The following GOLGA8B variants were observed in gnomAD, a reference collection of about 807,000 sequenced individuals.
The protein encoded by GOLGA8B is golgin subfamily A member 8B.
GOLGA8B carries 1 observed loss-of-function variant against 15.6 expected under a neutral mutation model. That is an observed-to-expected ratio of 0.06 (90% CI 0.02 to 0.30). The LOEUF (loss-of-function observed/expected upper bound fraction) is 0.30, where lower values mean the gene tolerates loss of function less well. GOLGA8B is among the 10% of genes least tolerant of loss of function. The pLI, the probability that GOLGA8B is intolerant of heterozygous loss-of-function variation, is 1.00. For synonymous variants in GOLGA8B, 9 were observed against 80.3 expected (o/e 0.11, Z 4.75); for missense variants, 17 against 201.3 (o/e 0.08, Z 5.54).
intron 1 of GOLGA8B, among the ~76,000 whole-genome samples, chr15:34,569,445 C>A (rs1188999799): frequency 1.3e-5 from 2 of 151,834 alleles, no homozygotes; most frequent in African/African-American, 4.8e-5. Context: ...GGGCGCCACT[C>A]CCCTGCCCTA....
At chr15:34,569,236 A>C (rs1446325134) in intron 1 of GOLGA8B, among the ~76,000 whole-genome samples, 1 of 144,106 alleles carries the variant, frequency 6.9e-6, no homozygotes, top group African/African-American at 2.5e-5. Context: ...GTCTGAATGA[A>C]GCCAGAAATG....
chr15:34,579,977 G>C (rs1469085185), intron 1 of GOLGA8B, among the ~76,000 whole-genome samples: 1 of 152,198 alleles, frequency 6.6e-6, no homozygotes, highest in South Asian at 2.1e-4. Context: ...GTTAACAAGA[G>C]AAGGGGAAGT....
chr15:34,581,574 A>ATT (rs528059084), intron 1 of GOLGA8B: 3 of 147,800 alleles, frequency 2.0e-5, no homozygotes, highest in Non-Finnish European at 4.5e-5. Context: ...TAACATTTTG[A>ATT]TTTTTTTTTT....
rs1894417830 is a variant in GOLGA8B at position 34,525,192 on chromosome 15, C to G, written c.*2440G>C. 6.7e-6 allele frequency: 1 copy of G among 149,702 alleles called. No individual in the cohort carries two copies. Among genetic ancestry groups the G allele is most frequent in the Admixed American group, 6.8e-5 (1 of 14,734 alleles). The allele number at this position is 149,702 out of a possible 1,614,324, so 9.3% of individuals were successfully genotyped here. A position where few individuals can be genotyped will look rare whatever the true frequency, so the allele number is the denominator to read the frequency against. On this transcript the variant is annotated 3_prime_UTR_variant, in exon 24 of 24. Transcript: ENST00000683415. ...GAAAATGAAACAGATTATCTCATGC[C>G]AAGCATGCCCAGTATTTGCACAGTA...
In GOLGA8B at chr15:34,527,839, G is replaced by GGA; in HGVS notation, c.1610-7_1610-6dup. 1.3e-6 allele frequency: 2 copies of GGA among 1,572,118 alleles called. No individual in the cohort carries two copies. Among genetic ancestry groups the GGA allele is most frequent in the Non-Finnish European group, 1.7e-6 (2 of 1,163,860 alleles). Reference sequence around the variant, plus strand: ...TGAGGCTCGCCTCACAAAGATCTTTGGAGAGAGAGAGGCGGGGATCTGAGT... The same window carrying GGA: ...TGAGGCTCGCCTCACAAAGATCTTTGGAGAGAGAGAGAGGCGGGGATCTGAGT... On this transcript the variant is annotated splice_region_variant and splice_polypyrimidine_tract_variant and intron_variant, in intron 23 of 23. Coordinates refer to ENST00000683415, the MANE Select transcript of GOLGA8B (RefSeq NM_001023567.5).
In GOLGA8B at chr15:34,564,706, G is replaced by A. The variant is rs1170649162; in HGVS notation, c.-1122-10750C>T. Among the ~76,000 whole-genome samples, 6 of 144,352 alleles carry A rather than the reference G, an allele frequency of 4.2e-5. 1 individual carries two copies. The highest frequency in any genetic ancestry group is 1.9e-4 in the East Asian group (1 of 5,154). 94.7% of individuals were successfully genotyped at this position (144,352 alleles called of 152,430 possible). A position where few individuals can be genotyped will look rare whatever the true frequency, so the allele number is the denominator to read the frequency against. The stretch of plus-strand genomic sequence containing the variant: ...TTTTTCTGCAGGTACTTTTGCAAGC[G>A]TGTAGGGAGAGATGAGAAGTTCCAA... On this transcript the variant is annotated intron_variant, in intron 1 of 23. Coordinates refer to ENST00000683415, the MANE Select transcript of GOLGA8B (RefSeq NM_001023567.5).
chr15:34,582,198 C>CCT (rs1006411397), intron 1 of GOLGA8B, among the ~76,000 whole-genome samples: 2 of 152,164 alleles, frequency 1.3e-5, no homozygotes, highest in African/African-American at 4.8e-5. Flanking sequence ...AGTGGCCACA[C>CCT]CTCTGGGAGG....
chr15:34,564,355 T>TTTAA (rs530527773), intron 1 of GOLGA8B, among the ~76,000 whole-genome samples: 69 of 105,494 alleles, frequency 6.5e-4, no homozygotes, highest in African/African-American at 1.3e-3. Flanking sequence ...TGTAGATTCT[T>TTTAA]AAAAAAAAAA....
chr15:34,573,564 T>C (rs1298785613), intron 1 of GOLGA8B, among the ~76,000 whole-genome samples: 1 of 133,264 alleles, frequency 7.5e-6, no homozygotes. Context: ...AAAAAAAAAA[T>C]TCACCAGAAG....
Position 34,527,370 on chromosome 15 carries a change from C to G in GOLGA8B, c.*262G>C. 2.2e-6 allele frequency: 1 copy of G among 450,392 alleles called. No individual in the cohort carries two copies. Among genetic ancestry groups the G allele is most frequent in the Non-Finnish European group, 3.9e-6 (1 of 256,424 alleles). 27.9% of individuals were successfully genotyped at this position (450,392 alleles called of 1,614,324 possible). A position where few individuals can be genotyped will look rare whatever the true frequency, so the allele number is the denominator to read the frequency against. ...AACTCCCACCACGTAAGGGCAAACT[C>G]GATATGCATGCTAATGACCTACAAT... is the stretch of plus-strand genomic sequence containing the variant. On this transcript the variant is annotated 3_prime_UTR_variant, in exon 24 of 24. Transcript: ENST00000683415.
chr15:34,571,348 A>G (rs1888908603), intron 1 of GOLGA8B, among the ~76,000 whole-genome samples: 1 of 152,208 alleles, frequency 6.6e-6, no homozygotes, highest in Non-Finnish European at 1.5e-5. Context: ...AAGCTTATCT[A>G]TTCAAAGGAA....
intron 1 of GOLGA8B, among the ~76,000 whole-genome samples, chr15:34,576,177 G>A (rs1236587905): frequency 1.3e-5 from 2 of 152,204 alleles, no homozygotes; most frequent in African/African-American, 2.4e-5. Context: ...GGTTGCCAAA[G>A]TGAGGGGTGG....
chr15:34,559,585 G>GAAGA (rs1555406139), intron 1 of GOLGA8B, among the ~76,000 whole-genome samples: 2 of 68,746 alleles, frequency 2.9e-5, no homozygotes, highest in Non-Finnish European at 5.3e-5. Context: ...TGAGAATGGG[G>GAAGA]GAGAGAGAGA....
intron 1 of GOLGA8B, among the ~76,000 whole-genome samples, chr15:34,572,728 C>A (rs1364511469): frequency 6.6e-6 from 1 of 152,178 alleles, no homozygotes; most frequent in East Asian, 1.9e-4. Flanking sequence ...CTACATGATG[C>A]ATTTCTGTAA....
intron 1 of GOLGA8B, among the ~76,000 whole-genome samples, chr15:34,556,975 A>G (rs1423614130): frequency 6.7e-6 from 1 of 148,300 alleles, no homozygotes; most frequent in Non-Finnish European, 1.5e-5. Flanking sequence ...GTTGGGAGAC[A>G]TGTTGCGTGG....
chr15:34,577,907 A>T (rs1421091053), intron 1 of GOLGA8B, among the ~76,000 whole-genome samples: 2 of 152,226 alleles, frequency 1.3e-5, no homozygotes, highest in African/African-American at 4.8e-5. Context: ...CAGTTAGGCT[A>T]CATTTTTTTA....
rs558806280 is a variant in GOLGA8B at position 34,564,421 on chromosome 15, A to G, written c.-1122-10465T>C. 2.0e-5 allele frequency among the ~76,000 whole-genome samples: 3 copies of G among 150,182 alleles called. No homozygotes were observed. The South Asian group carries it at 6.4e-4, about 32-fold the overall frequency. ...CTTCTAGGCTGCTGTAAAGATGTAT[A>G]AGGTTTTCACTTTTTGCATCATATT... On this transcript the variant is annotated intron_variant, in intron 1 of 23. Transcript: ENST00000683415.
intron 1 of GOLGA8B, among the ~76,000 whole-genome samples, chr15:34,573,439 A>C (rs1472211503): frequency 6.7e-6 from 1 of 148,722 alleles, no homozygotes; most frequent in Admixed American, 6.8e-5. Flanking sequence ...CGGGAGGCTG[A>C]GGAAGGAGAA....
chr15:34,571,804 C>G (rs1487355385), intron 1 of GOLGA8B, among the ~76,000 whole-genome samples: 2 of 152,000 alleles, frequency 1.3e-5, no homozygotes, highest in African/African-American at 4.8e-5. Context: ...GTAATTAAAG[C>G]AAGCTTGATA....
Sources: gnomAD v4.1 joint callset for allele counts (sites outside exome capture counted in the v4.1 genomes callset) on GRCh38, gnomAD v4.1.1 for gene constraint, MANE v1.5 for transcripts, NCBI Gene and HGNC (gene_info 2026-07-23, HGNC 2026-07-21) for gene names.